ZC3H6: variants seen among roughly 807,000 people sequenced by gnomAD.
The protein encoded by ZC3H6 is zinc finger CCCH domain-containing protein 6.
Under a neutral mutation model 107.7 loss-of-function variants are expected in ZC3H6, and 40 were observed. That is an observed-to-expected ratio of 0.37 (90% CI 0.29 to 0.48). ZC3H6 has a LOEUF of 0.48. ZC3H6 is among the 20% of genes least tolerant of loss of function. ZC3H6 has a pLI of 0.98. For missense variants in ZC3H6, 1,267 were observed against 1,410.4 expected (o/e 0.90, Z 1.63); for synonymous variants, 493 against 487.9 (o/e 1.01, Z -0.14).
chr2:112,287,063 C>G (rs1181496206), intron 1 of ZC3H6, among the ~76,000 whole-genome samples: 1 of 151,950 alleles, frequency 6.6e-6, no homozygotes, highest in South Asian at 2.1e-4. Flanking sequence ...ATTGTAGATT[C>G]ATCCAGTAAG....
rs776983350 is a variant in ZC3H6 at position 112,331,683 on chromosome 2, A to G, written c.2765A>G (p.His922Arg). 2.0e-5 allele frequency: 33 copies of G among 1,613,856 alleles called. No homozygotes were observed. The highest frequency in any genetic ancestry group is 2.5e-6 in the Non-Finnish European group (3 of 1,179,904). The part of the protein sequence containing the change: ...NRLWNTKSDL[H>R]QNTVSIDPKL... ...TTATGGAATACAAAAAGTGATCTTC[A>G]TCAAAATACAGTGTCCATTGATCCA... Residue 922 changes from histidine (H) to arginine (R), a missense_variant, in exon 12 of 12, where the codon CAT (histidine) becomes CGT (arginine). This residue lies in a region of ZC3H6 where 925 missense variants were observed against 1,025.7 expected (regional missense o/e 0.90). Coordinates refer to ENST00000409871, the MANE Select transcript of ZC3H6 (RefSeq NM_198581.3).
chr2:112,327,503 T>C (rs910626527), intron 11 of ZC3H6, among the ~76,000 whole-genome samples: 1 of 152,196 alleles, frequency 6.6e-6, no homozygotes, highest in African/African-American at 2.4e-5. Flanking sequence ...ACAATGCAGC[T>C]TTTTAACTTG....
intron 11 of ZC3H6, among the ~76,000 whole-genome samples, chr2:112,329,272 T>G (rs1676974986): frequency 6.6e-6 from 1 of 152,132 alleles, no homozygotes; most frequent in Non-Finnish European, 1.5e-5. Context: ...CACTCTCATT[T>G]AAGAAAGATT....
Position 112,324,999 on chromosome 2 carries a change from C to A in ZC3H6, c.1888C>A (p.Pro630Thr). Residue 630 changes from proline (P) to threonine (T), a missense_variant, in exon 11 of 12, where the codon CCT (proline) becomes ACT (threonine). Physicochemically the swap from Pro to Thr is conservative, Grantham distance 38. Coordinates refer to ENST00000409871, the MANE Select transcript of ZC3H6 (RefSeq NM_198581.3). Reference sequence around the variant, plus strand: ...GCATGGTGAATTTGCCCAGCAGCAGCCTCCTGTTGTTCAAGACTCACCTAA... The same window carrying A: ...GCATGGTGAATTTGCCCAGCAGCAGACTCCTGTTGTTCAAGACTCACCTAA... Reference protein sequence around the residue: ...MWHGEFAQQQPPVVQDSPNHG... With the variant: ...MWHGEFAQQQTPVVQDSPNHG... 1 of 1,611,212 alleles carries A rather than the reference C, an allele frequency of 6.2e-7. No individual in the cohort carries two copies. The highest frequency in any genetic ancestry group is 8.5e-7 in the Non-Finnish European group (1 of 1,178,610).
chr2:112,331,870 G>A lies in ZC3H6; in HGVS notation c.2952G>A (p.Val984=), dbSNP rs1181420685. The A allele has an allele frequency of 2.5e-6, 4 of 1,613,914 alleles. No homozygotes were observed. Among genetic ancestry groups the A allele is most frequent in the East Asian group, 4.5e-5 (2 of 44,870 alleles). Residue 984 remains valine, a synonymous_variant, in exon 12 of 12, where the codon GTG becomes GTA. Transcript: ENST00000409871. ...TGCCCAATACAGAGTCTCATCAAGT[G>A]GTTATGAAGGATTCACATGCATCAA... ...HRLPNTESHQ[V]VMKDSHASKG... is the part of the protein sequence containing the mutation.
intron 1 of ZC3H6, among the ~76,000 whole-genome samples, chr2:112,291,453 C>T (rs1487476990): frequency 2.6e-5 from 4 of 152,186 alleles, no homozygotes; most frequent in Non-Finnish European, 4.4e-5. Flanking sequence ...AGGCTGGTCT[C>T]GAACTCCTGA....
At chr2:112,328,083 G>C (rs1316679712) in intron 11 of ZC3H6, among the ~76,000 whole-genome samples, 1 of 152,134 alleles carries the variant, frequency 6.6e-6, no homozygotes, top group Admixed American at 6.5e-5. Flanking sequence ...GTAGAGACAC[G>C]GTTTTACCAC....
chr2:112,303,365 T>C lies in ZC3H6; in HGVS notation c.336+14T>C. On this transcript the variant is annotated intron_variant, in intron 3 of 11. Coordinates refer to ENST00000409871, the MANE Select transcript of ZC3H6 (RefSeq NM_198581.3). ...CCATTTACTCAGGTATTGCCATTTT[T>C]TTGTTTTGTGATAAAACATAGATAG... 1.2e-6 allele frequency: 2 copies of C among 1,607,058 alleles called. No homozygotes were observed. Among genetic ancestry groups the C allele is most frequent in the Non-Finnish European group, 1.7e-6 (2 of 1,175,620 alleles).
intron 1 of ZC3H6, among the ~76,000 whole-genome samples, chr2:112,279,879 A>G (rs1465908549): frequency 1.3e-5 from 2 of 152,208 alleles, no homozygotes; most frequent in East Asian, 1.9e-4. Flanking sequence ...TTATTTTCCT[A>G]CTTGCAATAT....
rs1677123555 is a variant in ZC3H6, at chr2:112,335,535, A to T, written c.*3047A>T. On this transcript the variant is annotated 3_prime_UTR_variant, in exon 12 of 12. Transcript: ENST00000409871. ...AATTTATATCAGTATCTAGTTGCTT[A>T]TCTGTGAAATTGGGTTAATTTTTAT... is the stretch of plus-strand genomic sequence containing the variant. The T allele has an allele frequency of 1.3e-5, 2 of 152,222 alleles. No individual in the cohort carries two copies. The highest frequency in any genetic ancestry group is 4.2e-4 in the South Asian group (2 of 4,818). 9.4% of individuals were successfully genotyped at this position (152,222 alleles called of 1,614,324 possible).
intron 1 of ZC3H6, among the ~76,000 whole-genome samples, chr2:112,291,547 T>G (rs1676117933): frequency 6.6e-6 from 1 of 152,232 alleles, no homozygotes; most frequent in Non-Finnish European, 1.5e-5. Context: ...ATAAAATATT[T>G]TATAAATACC....
chr2:112,301,706 A>G (rs913393956), intron 2 of ZC3H6, among the ~76,000 whole-genome samples: 10 of 152,164 alleles, frequency 6.6e-5, no homozygotes, highest in Non-Finnish European at 1.3e-4. Flanking sequence ...AATATAAGCT[A>G]TGCTCAAACA....
intron 1 of ZC3H6, 79 bp from the exon 2 acceptor site, chr2:112,299,770 A>G: frequency 8.7e-7 from 1 of 1,144,244 alleles, no homozygotes; most frequent in Non-Finnish European, 1.1e-6. Flanking sequence ...TCCTTGGCAT[A>G]TGCTTTTTTT....
chr2:112,281,118 CAG>C, intron 1 of ZC3H6, among the ~76,000 whole-genome samples: 1 of 152,044 alleles, frequency 6.6e-6, no homozygotes. Context: ...ACATGAAAAA[CAG>C]ATGTGTTCAA....
At chr2:112,307,167 T>A (rs1267884790) in intron 3 of ZC3H6, among the ~76,000 whole-genome samples, 1 of 152,228 alleles carries the variant, frequency 6.6e-6, no homozygotes, top group Non-Finnish European at 1.5e-5. Flanking sequence ...AGAATTAAGA[T>A]TATATCCTAA....
chr2:112,300,016 G>A lies in ZC3H6; in HGVS notation c.200G>A (p.Arg67His), dbSNP rs1330934008. 6 of 1,460,936 alleles carry A rather than the reference G, an allele frequency of 4.1e-6. No homozygotes were observed. The highest frequency in any genetic ancestry group is 2.9e-5 in the Admixed American group (1 of 34,568). 90.5% of individuals were successfully genotyped at this position (1,460,936 alleles called of 1,614,324 possible). ...AAGAAAAAATCCAAAAGGAGAAAAC[G>A]TGAGAAACATAAGGTTAGTTAGAAT... is the stretch of plus-strand genomic sequence containing the variant. ...REKKKSKRRK[R>H]EKHKHNSPSS... Residue 67 changes from arginine (R) to histidine (H), a missense_variant, in exon 2 of 12, where the codon CGT (arginine) becomes CAT (histidine). This residue lies in a region of ZC3H6 where 337 missense variants were observed against 361.2 expected (regional missense o/e 0.93). Transcript: ENST00000409871.
In ZC3H6 at chr2:112,275,879, C is replaced by G. The variant is rs1300811789; in HGVS notation, c.-116C>G. ...CCGTGAGTTTTTACCACTTCGTCAC[C>G]TGTCGGCGGCGGCCGGGAGCAGGTT... On this transcript the variant is annotated 5_prime_UTR_variant, in exon 1 of 12. Transcript: ENST00000409871. 2 of 786,280 alleles carry G rather than the reference C, an allele frequency of 2.5e-6. No homozygotes were observed. Among genetic ancestry groups the G allele is most frequent in the Non-Finnish European group, 3.9e-6 (2 of 508,958 alleles). 48.7% of individuals were successfully genotyped at this position (786,280 alleles called of 1,614,324 possible). A position where few individuals can be genotyped will look rare whatever the true frequency, so the allele number is the denominator to read the frequency against.
rs1267182202 is a variant in ZC3H6, at chr2:112,331,659, T to C, written c.2741T>C (p.Leu914Ser). Residue 914 changes from leucine to serine, a missense_variant, in exon 12 of 12, where the codon TTA (leucine) becomes TCA (serine). By Grantham distance (145) the Leu-to-Ser change is moderately radical. Coordinates refer to ENST00000409871, the MANE Select transcript of ZC3H6 (RefSeq NM_198581.3). ...PLIADQRLNR[L>S]WNTKSDLHQN... Reference sequence around the variant, plus strand: ...ATAGCTGACCAGAGGCTAAATAGATTATGGAATACAAAAAGTGATCTTCAT... The same window carrying C: ...ATAGCTGACCAGAGGCTAAATAGATCATGGAATACAAAAAGTGATCTTCAT... 5 of 1,613,914 alleles carry C rather than the reference T, an allele frequency of 3.1e-6. No homozygotes were observed. Among genetic ancestry groups the C allele is most frequent in the Middle Eastern group, 3.3e-4 (2 of 6,062 alleles).
chr2:112,276,089 C>G, intron 1 of ZC3H6, 63 bp downstream of exon 1: 2 of 1,485,272 alleles, frequency 1.3e-6, no homozygotes, highest in Non-Finnish European at 1.8e-6. Flanking sequence ...GCGGCGGGAG[C>G]GGGCCGGGGC....
Sources: gnomAD v4.1 joint callset for allele counts (sites outside exome capture counted in the v4.1 genomes callset) on GRCh38, gnomAD v4.1.1 for gene constraint, gnomAD v4.1.1 regional missense constraint, MANE v1.5 for transcripts, NCBI Gene and HGNC (gene_info 2026-07-23, HGNC 2026-07-21) for gene names.